The following RCOR3 variants were observed in gnomAD, a reference collection of about 807,000 sequenced individuals.
RCOR3 encodes REST corepressor 3.
RCOR3 carries 13 observed loss-of-function variants against 64.1 expected under a neutral mutation model. The observed-to-expected ratio is 0.20, with a 90% CI of 0.13 to 0.32. The LOEUF (loss-of-function observed/expected upper bound fraction) is 0.32. Among genes scored for constraint, RCOR3 ranks in the 10% least tolerant of loss-of-function variants. RCOR3 has a pLI of 1.00. For missense variants in RCOR3, 489 were observed against 701.2 expected, an observed-to-expected ratio of 0.70 and a Z score of 3.42; for synonymous variants, 215 against 239.0, an observed-to-expected ratio of 0.90 and a Z score of 0.93.
At chr1:211,262,346 A>G (rs1006360074) in intron 2 of RCOR3, among the ~76,000 whole-genome samples, 2 of 152,124 alleles carry the variant, frequency 1.3e-5, no homozygotes, top group Admixed American at 6.6e-5. Context: ...ATAAAAACTA[A>G]TGGAATTCTT....
At position 211,313,418 on chromosome 1, in the gene RCOR3, C is replaced by A. The variant is rs745823254; in HGVS notation, c.1318-6C>A. 6.2e-7 allele frequency: 1 copy of A among 1,611,514 alleles called. No individual in the cohort carries two copies. Among genetic ancestry groups the A allele is most frequent in the Non-Finnish European group, 8.5e-7 (1 of 1,178,316 alleles). ...CATACGTGTATTTTTGTTTCCTCAC[C>A]TCTAGGCACAGACCCCACAGGCTCC... is the stretch of plus-strand genomic sequence containing the variant. On this transcript the variant is annotated splice_region_variant and splice_polypyrimidine_tract_variant and intron_variant, in intron 11 of 11. Coordinates refer to ENST00000419091, the MANE Select transcript of RCOR3 (RefSeq NM_001136223.3). The surrounding 1 kb of genome is among the most constrained non-coding windows in gnomAD (Gnocchi z 4.7).
rs1294589991 is a variant in RCOR3, at chr1:211,312,396, A to T, written c.1076-324A>T. Reference sequence around the variant, plus strand: ...GAAATAAATGAATGTGGAATTGAGGATGGAACAAAGAATTCAATGCTTTAC... The same window carrying T: ...GAAATAAATGAATGTGGAATTGAGGTTGGAACAAAGAATTCAATGCTTTAC... On this transcript the variant is annotated intron_variant, in intron 10 of 11. Transcript: ENST00000419091. The surrounding 1 kb of genome is among the most constrained non-coding windows in gnomAD (Gnocchi z 5.0). 1 of 488,740 alleles carries T rather than the reference A, an allele frequency of 2.0e-6. No individual in the cohort carries two copies. The highest frequency in any genetic ancestry group is 4.0e-6 in the Non-Finnish European group (1 of 248,560). The allele number at this position is 488,740 out of a possible 1,614,324, so 30.3% of individuals were successfully genotyped here. A position where few individuals can be genotyped will look rare whatever the true frequency, so the allele number is the denominator to read the frequency against.
chr1:211,301,302 C>T (rs997531661), intron 9 of RCOR3, among the ~76,000 whole-genome samples: 10 of 152,118 alleles, frequency 6.6e-5, no homozygotes, highest in South Asian at 4.2e-4. Flanking sequence ...ATCTTAACCT[C>T]ACCTTCCCAC....
intron 10 of RCOR3, among the ~76,000 whole-genome samples, chr1:211,309,643 A>T (rs1701288599): frequency 6.6e-6 from 1 of 152,252 alleles, no homozygotes. Context: ...TGGTTCAAGC[A>T]TACCTTTTAC....
In RCOR3 at chr1:211,314,623, T is replaced by C. The variant is rs896928134; in HGVS notation, c.*855T>C. On this transcript the variant is annotated 3_prime_UTR_variant, in exon 12 of 12. Coordinates refer to ENST00000419091, the MANE Select transcript of RCOR3 (RefSeq NM_001136223.3). ...TGGTTTTTTTTGTTTCTAAATGCTA[T>C]CTGCTTTTAACTAGTAGTTGCCTAC... 7 of 152,208 alleles carry C rather than the reference T, an allele frequency of 4.6e-5. No individual in the cohort carries two copies. The highest frequency in any genetic ancestry group is 1.7e-4 in the African/African-American group (7 of 41,464). The allele number at this position is 152,208 out of a possible 1,614,324, so 9.4% of individuals were successfully genotyped here.
chr1:211,289,701 T>C (rs1235722596), intron 8 of RCOR3, among the ~76,000 whole-genome samples: 1 of 152,240 alleles, frequency 6.6e-6, no homozygotes, highest in Non-Finnish European at 1.5e-5. Context: ...TTGGGAATTA[T>C]TTGCAGTGAT....
intron 5 of RCOR3, among the ~76,000 whole-genome samples, chr1:211,277,169 CTT>C (rs145454761): frequency 7.0e-6 from 1 of 143,264 alleles, no homozygotes. Flanking sequence ...TTCTTTCTTT[CTT>C]TTTTTTTTAA....
At chr1:211,271,727 A>G in intron 3 of RCOR3, 2 of 313,330 alleles carry the variant, frequency 6.4e-6, no homozygotes, top group Non-Finnish European at 1.3e-5. Flanking sequence ...TTCAGCAGCC[A>G]TCAGGTCATC....
At chr1:211,304,008 A>C in intron 9 of RCOR3, 75 bp from the exon 10 acceptor site, 2 of 976,638 alleles carry the variant, frequency 2.0e-6, no homozygotes, top group Non-Finnish European at 3.1e-6. Context: ...ATTTGATGAA[A>C]ATTTAAAAAA....
At position 211,313,819 on chromosome 1, in the gene RCOR3, G is replaced by A. The variant is rs369058469; in HGVS notation, c.*51G>A. On this transcript the variant is annotated 3_prime_UTR_variant, in exon 12 of 12. Transcript: ENST00000419091. The surrounding 1 kb of genome is among the most constrained non-coding windows in gnomAD (Gnocchi z 4.7). ...AACTTTTCACCCCATCATTATACCA[G>A]TGCTCATCTGACTGATGAAAAAGAG... 7.0e-7 allele frequency: 1 copy of A among 1,437,338 alleles called. No individual in the cohort carries two copies. The allele number at this position is 1,437,338 out of a possible 1,614,324, so 89.0% of individuals were successfully genotyped here. A position where few individuals can be genotyped will look rare whatever the true frequency, so the allele number is the denominator to read the frequency against.
Position 211,295,696 on chromosome 1 carries a change from A to G in RCOR3, c.960A>G (p.Val320=), listed in dbSNP as rs1699794581. ...TGAAGGTTCAGAATGCTAAGCAAGT[A>G]AACAGTGCACTTAAACAGAAAATGG... is the stretch of plus-strand genomic sequence containing the variant. ...LKRQVQNAKQ[V]NSALKQKMEG... The change falls in exon 9 of 12, where the codon GTA becomes GTG. Residue 320 remains valine, a synonymous_variant. Transcript: ENST00000419091. 1.2e-6 allele frequency: 2 copies of G among 1,613,726 alleles called. No individual in the cohort carries two copies. The highest frequency in any genetic ancestry group is 2.7e-5 in the African/African-American group (2 of 75,050).
intron 3 of RCOR3, 56 bp from the exon 4 acceptor site, chr1:211,274,154 C>T: frequency 1.7e-6 from 2 of 1,203,232 alleles, no homozygotes; most frequent in Admixed American, 1.9e-5. Flanking sequence ...CAAAAGTAGA[C>T]CTAGGTAAAT....
At chr1:211,309,391 A>G (rs916392044) in intron 10 of RCOR3, among the ~76,000 whole-genome samples, 2 of 152,236 alleles carry the variant, frequency 1.3e-5, no homozygotes, top group African/African-American at 4.8e-5. Flanking sequence ...TGTAATGATA[A>G]CAGAATATCC....
intron 10 of RCOR3, among the ~76,000 whole-genome samples, chr1:211,305,029 T>C (rs141875020): frequency 6.6e-6 from 1 of 152,122 alleles, no homozygotes; most frequent in Non-Finnish European, 1.5e-5. Flanking sequence ...ATGAAACATA[T>C]AAGCATACCT....
rs1701728112 is a variant in RCOR3 at position 211,313,872 on chromosome 1, G to A, written c.*104G>A. ...AAGAATAATCATTTCTAGATACTGA[G>A]GCTGCGAACTAGTTCTGTGGCAGTG... On this transcript the variant is annotated 3_prime_UTR_variant, in exon 12 of 12. Transcript: ENST00000419091. The surrounding 1 kb of genome is among the most constrained non-coding windows in gnomAD (Gnocchi z 4.7). 5.5e-6 allele frequency: 6 copies of A among 1,091,004 alleles called. No individual in the cohort carries two copies. The South Asian group carries it at 8.0e-5, about 14-fold the overall frequency. 67.6% of individuals were successfully genotyped at this position (1,091,004 alleles called of 1,614,324 possible). A position where few individuals can be genotyped will look rare whatever the true frequency, so the allele number is the denominator to read the frequency against.
In RCOR3 at chr1:211,312,985, G is replaced by A; in HGVS notation, c.1317+24G>A. Reference sequence around the variant, plus strand: ...AGGTGTGTTTGTGTATGGAATTTGAGCTAATATGAGTTGAGGAATCACCAT... The same window carrying A: ...AGGTGTGTTTGTGTATGGAATTTGAACTAATATGAGTTGAGGAATCACCAT... On this transcript the variant is annotated intron_variant, in intron 11 of 11. Coordinates refer to ENST00000419091, the MANE Select transcript of RCOR3 (RefSeq NM_001136223.3). This position sits in a 1 kb window ranked among gnomAD's most constrained non-coding sequence, Gnocchi z 5.0. The A allele has an allele frequency of 6.2e-7, 1 of 1,614,058 alleles. No homozygotes were observed. The highest frequency in any genetic ancestry group is 1.1e-5 in the South Asian group (1 of 91,082).
At chr1:211,286,550 G>GC (rs954292653) in intron 7 of RCOR3, among the ~76,000 whole-genome samples, 1 of 151,950 alleles carries the variant, frequency 6.6e-6, no homozygotes. Context: ...CTCGTGATCC[G>GC]CCCCCCTCGG....
At chr1:211,280,634 C>T (rs924277065) in intron 7 of RCOR3, among the ~76,000 whole-genome samples, 6 of 152,120 alleles carry the variant, frequency 3.9e-5, no homozygotes, top group Admixed American at 6.6e-5. Context: ...CTTTGTCTTT[C>T]GCATATTTTC....
chr1:211,310,902 T>C (rs995945178), intron 10 of RCOR3, among the ~76,000 whole-genome samples: 4 of 152,182 alleles, frequency 2.6e-5, no homozygotes, highest in African/African-American at 9.6e-5. Context: ...GGTTTGGCCA[T>C]TGCTAGAATG....
Sources: allele counts gnomAD v4.1 joint callset (sites outside exome capture counted in the v4.1 genomes callset), GRCh38; gene constraint gnomAD v4.1.1; non-coding constraint Gnocchi (gnomAD v3.1); transcripts MANE v1.5; gene names NCBI Gene and HGNC (gene_info 2026-07-23, HGNC 2026-07-21).